The following ESPN variants were observed in gnomAD, a reference collection of about 807,000 sequenced individuals.
ESPN encodes the protein espin.
A neutral mutation model predicts 77.7 loss-of-function variants in ESPN; 68 were observed. The observed-to-expected ratio is 0.87, with a 90% CI of 0.72 to 1.07. The LOEUF (loss-of-function observed/expected upper bound fraction) is 1.07. Ranked by LOEUF, ESPN falls within the 50% of genes least tolerant of loss-of-function variation. The pLI is 0.00. For missense variants in ESPN, 1,060 were observed against 1,239.0 expected (o/e 0.86, Z 2.17); for synonymous variants, 449 against 567.1 (o/e 0.79, Z 2.96).
intron 8 of ESPN, among the ~76,000 whole-genome samples, chr1:6,449,869 C>G: frequency 6.6e-6 from 1 of 152,180 alleles, no homozygotes; most frequent in East Asian, 1.9e-4. Flanking sequence ...CCATCCCAGC[C>G]TGGCTGGGGT....
rs915628718 is a variant in ESPN, at chr1:6,458,626, A to AT, written c.2417+1262dup. 4.0e-5 allele frequency among the ~76,000 whole-genome samples: 6 copies of AT among 151,028 alleles called. No individual in the cohort carries two copies. The East Asian group carries it at 8.0e-4, about 20-fold the overall frequency. On this transcript the variant is annotated intron_variant, in intron 12 of 12. Coordinates refer to ENST00000645284, the MANE Select transcript of ESPN (RefSeq NM_031475.3). ...CCTTCGCACCAGGCCTGCAAAAAAA[A>AT]TTTTTTTTAATTAGCTGCAGGGGGC...
chr1:6,460,180 C>T lies in ESPN; in HGVS notation c.*34C>T, dbSNP rs1459780233. 1.3e-6 allele frequency: 2 copies of T among 1,599,992 alleles called. No individual in the cohort carries two copies. Among genetic ancestry groups the T allele is most frequent in the South Asian group, 2.2e-5 (2 of 90,546 alleles). On this transcript the variant is annotated 3_prime_UTR_variant, in exon 13 of 13. Transcript: ENST00000645284. ...GACTCCTGTCCGCAGCCTCGCAGCTCCGTGGGGCCCTCCGCCCCAGCCCCA... is the reference window on the plus strand; with the variant it reads ...GACTCCTGTCCGCAGCCTCGCAGCTTCGTGGGGCCCTCCGCCCCAGCCCCA...
chr1:6,448,970 GCCC>G lies in ESPN; in HGVS notation c.1797_1799del (p.Pro605del). 1 of 1,406,498 alleles carries G rather than the reference GCCC, an allele frequency of 7.1e-7. No individual in the cohort carries two copies. Among genetic ancestry groups the G allele is most frequent in the Non-Finnish European group, 9.3e-7 (1 of 1,078,494 alleles). The allele number at this position is 1,406,498 out of a possible 1,614,324, so 87.1% of individuals were successfully genotyped here. ...AGGCGTCCAGGGAGCTGCCACCGCCGCCCCCACCGCCGCCGCCGCCCCTGCCGG... is the reference window on the plus strand; with the variant it reads ...AGGCGTCCAGGGAGCTGCCACCGCCGCCACCGCCGCCGCCGCCCCTGCCGG... On this transcript the variant is annotated inframe_deletion, in exon 8 of 13. Coordinates refer to ENST00000645284, the MANE Select transcript of ESPN (RefSeq NM_031475.3).
chr1:6,446,523 GA>G (rs1557709337), intron 7 of ESPN, among the ~76,000 whole-genome samples: 1 of 152,288 alleles, frequency 6.6e-6, no homozygotes, highest in East Asian at 1.9e-4. Context: ...GGAAGGAAGC[GA>G]GCCTGTGTGG....
chr1:6,451,260 G>T lies in ESPN; in HGVS notation c.1916-343G>T, dbSNP rs1242026295. The T allele has an allele frequency of 3.0e-5, 12 of 403,726 alleles. No homozygotes were observed. Among genetic ancestry groups the T allele is most frequent in the Admixed American group, 2.9e-4 (8 of 27,322 alleles). The allele number at this position is 403,726 out of a possible 1,614,324, so 25.0% of individuals were successfully genotyped here. On this transcript the variant is annotated intron_variant, in intron 8 of 12. Coordinates refer to ENST00000645284, the MANE Select transcript of ESPN (RefSeq NM_031475.3). The surrounding 1 kb of genome is among the most constrained non-coding windows in gnomAD (Gnocchi z 4.3). ...AGGGAACCTGGGACAAAGGTCAGGT[G>T]GCTGATTCCAGGTAGTGTTTTGGAG...
At position 6,460,127 on chromosome 1, in the gene ESPN, G is replaced by A; in HGVS notation, c.2546G>A (p.Gly849Glu). 1 of 1,612,666 alleles carries A rather than the reference G, an allele frequency of 6.2e-7. No individual in the cohort carries two copies. ...PWQRQVILKK[G>E]DIAKY ...CAGCGACAGGTCATCCTGAAGAAGG[G>A]GGACATCGCTAAGTACTAGAGGCCG... The change falls in exon 13 of 13, where the codon GGG becomes GAG. Residue 849 changes from glycine (G) to glutamate (E), a missense_variant. By Grantham distance (98) the Gly-to-Glu change is moderately conservative (BLOSUM62 -2). Around this residue, in one of 3 missense-constraint regions of ESPN, gnomAD observed 374 missense variants for 381.4 expected, o/e 0.98. Coordinates refer to ENST00000645284, the MANE Select transcript of ESPN (RefSeq NM_031475.3).
chr1:6,448,508 T>G, intron 7 of ESPN, 133 bp from the exon 8 acceptor site: 1 of 713,132 alleles, frequency 1.4e-6, no homozygotes, highest in Non-Finnish European at 2.2e-6. Flanking sequence ...CCAGGGGGTC[T>G]AGGAAGTCAG....
intron 1 of ESPN, 27 bp downstream of exon 1, chr1:6,425,276 A>T: frequency 1.3e-6 from 2 of 1,563,766 alleles, no homozygotes; most frequent in Non-Finnish European, 1.7e-6. Flanking sequence ...CGCCAGGGGC[A>T]CTGAGGCTTC....
intron 10 of ESPN, chr1:6,455,010 T>C (rs1382126923): frequency 5.3e-6 from 2 of 376,396 alleles, no homozygotes; most frequent in Non-Finnish European, 9.4e-6. Context: ...GCCCGCGCGC[T>C]GTCCGCGCCG....
Position 6,452,027 on chromosome 1 carries a change from G to A in ESPN, c.2256G>A (p.Glu752=), listed in dbSNP as rs374452587. The part of the protein sequence containing the change: ...THDEQGRPIP[E]WKRQVMVRKM... The stretch of plus-strand genomic sequence containing the variant: ...ATGAGCAGGGCCGGCCCATCCCCGA[G>A]TGGAAGCGCCAGGTGATGGTGCGCA... Residue 752 remains glutamate (E), a synonymous_variant, in exon 10 of 13, where the codon GAG becomes GAA. Transcript: ENST00000645284. 2.8e-5 allele frequency: 45 copies of A among 1,591,468 alleles called. No homozygotes were observed. Among genetic ancestry groups the A allele is most frequent in the Non-Finnish European group, 3.9e-5 (45 of 1,168,328 alleles).
Position 6,449,040 on chromosome 1 carries a change from G to C in ESPN, c.1864G>C (p.Glu622Gln), listed in dbSNP as rs1343687825. The C allele has an allele frequency of 2.0e-6, 3 of 1,482,184 alleles. No individual in the cohort carries two copies. The highest frequency in any genetic ancestry group is 1.3e-5 in the South Asian group (1 of 78,272). The allele number at this position is 1,482,184 out of a possible 1,614,324, so 91.8% of individuals were successfully genotyped here. A position where few individuals can be genotyped will look rare whatever the true frequency, so the allele number is the denominator to read the frequency against. Residue 622 changes from glutamate to glutamine, a missense_variant, in exon 8 of 13, where the codon GAG becomes CAG. Transcript: ENST00000645284. ...ACCGCCGGCCCCGCCTCTGCCCCTC[G>C]AGAGCGCTGGCCCTGGCTGCGGGCA... ...SPPPAPPLPLESAGPGCGQRR... is the reference protein window; with the variant it reads ...SPPPAPPLPLQSAGPGCGQRR...
Position 6,445,942 on chromosome 1 carries a change from A to T in ESPN, c.1464+7A>T. 1.2e-6 allele frequency: 2 copies of T among 1,612,218 alleles called. No homozygotes were observed. Among genetic ancestry groups the T allele is most frequent in the African/African-American group, 2.7e-5 (2 of 74,814 alleles). On this transcript the variant is annotated splice_region_variant and intron_variant, in intron 7 of 12. Transcript: ENST00000645284. The stretch of plus-strand genomic sequence containing the variant: ...AGAGGCCCTCAAGAAGGAGGTAGTG[A>T]GCCCTCACCCCCTGCCTGCCTCCCA...
At chr1:6,459,634 A>G (rs962965736) in intron 12 of ESPN, among the ~76,000 whole-genome samples, 1 of 151,938 alleles carries the variant, frequency 6.6e-6, no homozygotes, top group African/African-American at 2.4e-5. Context: ...CCAGTCCTCA[A>G]TACTTCATAT....
chr1:6,448,961 GCCACCGCCGCCC>G lies in ESPN; in HGVS notation c.1797_1808del (p.Pro602_Pro605del), dbSNP rs548962140. 10,044 of 1,423,888 alleles carry G rather than the reference GCCACCGCCGCCC, an allele frequency of 7.1e-3. 86 individuals carry two copies. The highest frequency in any genetic ancestry group is 8.2e-3 in the Non-Finnish European group (8,967 of 1,094,710). The allele number at this position is 1,423,888 out of a possible 1,614,324, so 88.2% of individuals were successfully genotyped here. On this transcript the variant is annotated inframe_deletion, in exon 8 of 13. Transcript: ENST00000645284. The stretch of plus-strand genomic sequence containing the variant: ...CGGACCCCAAGGCGTCCAGGGAGCT[GCCACCGCCGCCC>G]CCACCGCCGCCGCCGCCCCTGCCGG...
At chr1:6,431,004 T>C (rs1643225099) in intron 2 of ESPN, among the ~76,000 whole-genome samples, 1 of 152,046 alleles carries the variant, frequency 6.6e-6, no homozygotes, top group Admixed American at 6.5e-5. Context: ...CCGGTGGCCA[T>C]CCTCCCAGGA....
chr1:6,455,542 C>G lies in ESPN; in HGVS notation c.2326-1642C>G, dbSNP rs1013345041. 3.0e-5 allele frequency: 12 copies of G among 398,538 alleles called. No individual in the cohort carries two copies. The South Asian group carries it at 1.5e-3, about 51-fold the overall frequency. The allele number at this position is 398,538 out of a possible 1,614,324, so 24.7% of individuals were successfully genotyped here. A position where few individuals can be genotyped will look rare whatever the true frequency, so the allele number is the denominator to read the frequency against. The stretch of plus-strand genomic sequence containing the variant: ...TGGCGGAGCCTGCTGCGTCGCGTGC[C>G]GGCAAGCCCGGGCCTGGCGCACGGC... On this transcript the variant is annotated intron_variant, in intron 10 of 12. Coordinates refer to ENST00000645284, the MANE Select transcript of ESPN (RefSeq NM_031475.3).
Position 6,428,269 on chromosome 1 carries a change from G to A in ESPN, c.338G>A (p.Arg113His), listed in dbSNP as rs367832657. The change falls in exon 2 of 13, where the codon CGC becomes CAC. Residue 113 changes from arginine (R) to histidine (H), a missense_variant. This residue lies in a region of ESPN where 556 missense variants were observed against 633.6 expected (regional missense o/e 0.88). Coordinates refer to ENST00000645284, the MANE Select transcript of ESPN (RefSeq NM_031475.3). The surrounding 1 kb of genome is among the most constrained non-coding windows in gnomAD (Gnocchi z 5.4). ...SGATVLHLAA[R>H]FGHPEVVNWL... ...GCCACAGTCTTGCATCTGGCTGCCC[G>A]CTTCGGCCACCCCGAGGTGGTGAAC... 8.4e-5 allele frequency: 136 copies of A among 1,613,524 alleles called. No individual in the cohort carries two copies. Among genetic ancestry groups the A allele is most frequent in the Non-Finnish European group, 1.0e-4 (122 of 1,179,998 alleles).
Position 6,444,569 on chromosome 1 carries a change from CG to C in ESPN, c.1081del (p.Val361CysfsTer6). 6.2e-7 allele frequency: 1 copy of C among 1,614,230 alleles called. No homozygotes were observed. Among genetic ancestry groups the C allele is most frequent in the South Asian group, 1.1e-5 (1 of 91,090 alleles). On this transcript the variant is annotated frameshift_variant, in exon 6 of 13. Transcript: ENST00000645284. LOFTEE classifies it high-confidence loss of function. ...TCAGGCATGTCCTCACCCAATACCA[CG>C]GTGTCGGTCCAGCCGCTGAACTTTG... ...PDSGMSSPNT[T>X]VSVQPLNFDL...
At chr1:6,456,664 G>A (rs1644063118) in intron 10 of ESPN, 1 of 219,588 alleles carries the variant, frequency 4.6e-6, no homozygotes, top group Non-Finnish European at 9.0e-6. Flanking sequence ...AAAACTCTTT[G>A]CTGTAAACTG....
Sources: allele counts gnomAD v4.1 joint callset (sites outside exome capture counted in the v4.1 genomes callset), GRCh38; gene constraint gnomAD v4.1.1; regional missense constraint gnomAD v4.1.1; non-coding constraint Gnocchi (gnomAD v3.1); transcripts MANE v1.5; gene names NCBI Gene and HGNC (gene_info 2026-07-23, HGNC 2026-07-21).